The following NID1 variants were observed in gnomAD, a reference collection of about 807,000 sequenced individuals.
NID1 encodes the protein nidogen-1.
Under a neutral mutation model 130.6 loss-of-function variants are expected in NID1, and 76 were observed. That is an observed-to-expected ratio of 0.58 (90% confidence interval 0.48 to 0.70). The LOEUF is 0.70. Ranked by LOEUF, NID1 falls within the 30% of genes least tolerant of loss-of-function variation. The pLI is 0.00. For synonymous variants in NID1, 665 were observed against 675.1 expected (o/e 0.98, Z 0.23); for missense variants, 1,517 against 1,664.8 (o/e 0.91, Z 1.54).
intron 12 of NID1, among the ~76,000 whole-genome samples, chr1:235,998,996 G>A (rs1276790182): frequency 1.3e-5 from 2 of 152,166 alleles, no homozygotes; most frequent in East Asian, 1.9e-4. Flanking sequence ...GTCTAGCCCC[G>A]CCCTTCTGGT....
In NID1 at chr1:236,011,909, C is replaced by T. The variant is rs2102816089; in HGVS notation, c.2527+12G>A. On this transcript the variant is annotated intron_variant, in intron 12 of 19. Transcript: ENST00000264187. ...CAATGGGCTACCGACTCCAGATGTC[C>T]CACCACCTTACCTCCGGGCACGCAA... 6.2e-7 allele frequency: 1 copy of T among 1,613,350 alleles called. No homozygotes were observed. The highest frequency in any genetic ancestry group is 2.2e-5 in the East Asian group (1 of 44,878).
At chr1:235,993,904 C>T (rs1030303944) in intron 12 of NID1, 32 bp from the exon 13 acceptor site, 6 of 1,587,796 alleles carry the variant, frequency 3.8e-6, no homozygotes, top group Non-Finnish European at 5.2e-6. Context: ...AGAAAGCTGT[C>T]AGGTGCGTCA....
chr1:236,049,349 C>T (rs187756770), intron 1 of NID1, among the ~76,000 whole-genome samples: 165 of 152,170 alleles, frequency 1.1e-3, no homozygotes, highest in African/African-American at 3.9e-3. Context: ...CTTGGTAGCT[C>T]GGGCCTGTAG....
intron 1 of NID1, among the ~76,000 whole-genome samples, chr1:236,057,380 T>C (rs1250199459): frequency 6.6e-6 from 1 of 152,200 alleles, no homozygotes; most frequent in Non-Finnish European, 1.5e-5. Context: ...AAACTCTCCA[T>C]GGTGTCTCTC....
intron 12 of NID1, among the ~76,000 whole-genome samples, chr1:236,002,911 G>C (rs1316175979): frequency 1.3e-5 from 2 of 152,104 alleles, no homozygotes; most frequent in Non-Finnish European, 2.9e-5. Context: ...CCATTTGCCT[G>C]ACTGCCCCTC....
chr1:236,065,024 G>T lies in NID1; in HGVS notation c.56C>A (p.Pro19Gln). 6.4e-7 allele frequency: 1 copy of T among 1,560,662 alleles called. No homozygotes were observed. The highest frequency in any genetic ancestry group is 8.7e-7 in the Non-Finnish European group (1 of 1,152,684). The change falls in exon 1 of 20, where the codon CCG (proline) becomes CAG (glutamine). Residue 19 changes from proline to glutamine, a missense_variant. Pro to Gln is a moderately conservative substitution (Grantham distance 76). Around this residue, in one of 3 missense-constraint regions of NID1, gnomAD observed 1,329 missense variants for 1,429.2 expected, o/e 0.93. Transcript: ENST00000264187. This position sits in a 1 kb window ranked among gnomAD's most constrained non-coding sequence, Gnocchi z 4.1. ...GCCCACAGGCCCCGCCAGCAGCAGC[G>T]GCAGCAGCAGCGCCCGCGTCCACGC... ...RAAWTRALLL[P>Q]LLLAGPVGCL...
intron 1 of NID1, among the ~76,000 whole-genome samples, chr1:236,053,171 T>C (rs927279978): frequency 3.3e-5 from 5 of 152,184 alleles, no homozygotes; most frequent in Admixed American, 2.6e-4. Flanking sequence ...AATATCTTGG[T>C]TGTTTTTATT....
chr1:235,986,754 G>A (rs770505432), intron 14 of NID1, among the ~76,000 whole-genome samples: 17 of 152,254 alleles, frequency 1.1e-4, no homozygotes, highest in Admixed American at 2.6e-4. Flanking sequence ...AAGCCAGTGC[G>A]CCCAGACAAG....
In NID1 at chr1:235,993,816, C is replaced by A; in HGVS notation, c.2584G>T (p.Ala862Ser). 6.2e-7 allele frequency: 1 copy of A among 1,614,044 alleles called. No individual in the cohort carries two copies. Among genetic ancestry groups the A allele is most frequent in the Non-Finnish European group, 8.5e-7 (1 of 1,179,946 alleles). ...GGAATGGGTCGCTGTGGGTCTGTCG[C>A]CCCCGCTGCCCCGAGAATGTGTTCT... ...EREHILGAAG[A>S]TDPQRPIPPG... Residue 862 changes from alanine (A) to serine (S), a missense_variant, in exon 13 of 20, where the codon GCG (alanine) becomes TCG (serine). Transcript: ENST00000264187.
chr1:236,050,277 G>A (rs189719998), intron 1 of NID1, among the ~76,000 whole-genome samples: 1 of 152,180 alleles, frequency 6.6e-6, no homozygotes, highest in Non-Finnish European at 1.5e-5. Context: ...TCACTGGCCA[G>A]GTGTGGTGGC....
rs374239661 is a variant in NID1 at position 235,981,680 on chromosome 1, G to C, written c.3158C>G (p.Thr1053Arg). The change falls in exon 16 of 20, where the codon ACG (threonine) becomes AGG (arginine). Residue 1053 changes from threonine (T) to arginine (R), a missense_variant. By Grantham distance (71) the Thr-to-Arg change is moderately conservative. Around this residue, in one of 3 missense-constraint regions of NID1, gnomAD observed 1,329 missense variants for 1,429.2 expected, o/e 0.93. Coordinates refer to ENST00000264187, the MANE Select transcript of NID1 (RefSeq NM_002508.3). ...AGTCTCAAAGAGCACCCGGCGCTGC[G>C]TGCCGTCCAGCTTCGCCACTTCTAT... The part of the protein sequence containing the change: ...DRIEVAKLDG[T>R]QRRVLFETDL... 15 of 1,614,108 alleles carry C rather than the reference G, an allele frequency of 9.3e-6. No individual in the cohort carries two copies. The highest frequency in any genetic ancestry group is 2.7e-5 in the African/African-American group (2 of 74,954).
intron 1 of NID1, among the ~76,000 whole-genome samples, chr1:236,055,418 G>A (rs1003398556): frequency 1.3e-5 from 2 of 152,008 alleles, no homozygotes; most frequent in African/African-American, 4.8e-5. Context: ...TGTTGGAGCT[G>A]GTAATGGATA....
At chr1:235,993,132 C>A (rs1179001552) in intron 13 of NID1, among the ~76,000 whole-genome samples, 1 of 152,148 alleles carries the variant, frequency 6.6e-6, no homozygotes, top group Admixed American at 6.5e-5. Context: ...GAAAATCAAC[C>A]CAAGTAACTA....
intron 11 of NID1, 99 bp from the exon 12 acceptor site, chr1:236,012,142 G>A (rs754895680): frequency 3.5e-4 from 500 of 1,439,374 alleles, no homozygotes; most frequent in Non-Finnish European, 4.4e-4. Context: ...ATGGGAACCT[G>A]CTTCTGATCT....
rs1011443031 is a variant in NID1 at position 236,051,094 on chromosome 1, G to A, written c.226-2105C>T. On this transcript the variant is annotated intron_variant, in intron 1 of 19. Coordinates refer to ENST00000264187, the MANE Select transcript of NID1 (RefSeq NM_002508.3). ...GAGCAAGAGTGTCTCGAAAAAAAAA[G>A]AGAGAAAGAAGAAGATTCCCTAATC... is the stretch of plus-strand genomic sequence containing the variant. 4.5e-4 allele frequency among the ~76,000 whole-genome samples: 69 copies of A among 152,032 alleles called. 1 individual carries two copies. Among genetic ancestry groups the A allele is most frequent in the Middle Eastern group, 3.2e-3 (1 of 316 alleles).
chr1:236,040,810 C>CAG (rs1558444663), intron 4 of NID1, among the ~76,000 whole-genome samples: 4 of 151,126 alleles, frequency 2.6e-5, no homozygotes, highest in Non-Finnish European at 4.4e-5. Context: ...ATTACAGATG[C>CAG]CTGCCACCAC....
At position 236,029,720 on chromosome 1, in the gene NID1, G is replaced by T; in HGVS notation, c.1568C>A (p.Thr523Asn). ...GGEFTRQAEV[T>N]FVGHPGNLVI... ...CAGATTGCCCGGGTGCCCCACGAAG[G>T]TCACCTCAGCCTGGCGAGTGAACTC... The change falls in exon 7 of 20, where the codon ACC (threonine) becomes AAC (asparagine). Residue 523 changes from threonine (T) to asparagine (N), a missense_variant. By Grantham distance (65) the Thr-to-Asn change is moderately conservative. This residue lies in a region of NID1 where 1,329 missense variants were observed against 1,429.2 expected (regional missense o/e 0.93). Coordinates refer to ENST00000264187, the MANE Select transcript of NID1 (RefSeq NM_002508.3). 6 of 1,614,144 alleles carry T rather than the reference G, an allele frequency of 3.7e-6. No individual in the cohort carries two copies. The highest frequency in any genetic ancestry group is 5.1e-6 in the Non-Finnish European group (6 of 1,180,032).
At chr1:236,032,757 A>G (rs1165287889) in intron 5 of NID1, 105 bp from the exon 6 acceptor site, 2 of 1,424,284 alleles carry the variant, frequency 1.4e-6, no homozygotes, top group African/African-American at 2.9e-5. Context: ...AAGCAAAGAA[A>G]CAAAACAGCA....
rs748880759 is a variant in NID1 at position 235,979,861 on chromosome 1, G to A, written c.3470C>T (p.Thr1157Met). The A allele has an allele frequency of 5.6e-6, 9 of 1,614,004 alleles. No individual in the cohort carries two copies. The highest frequency in any genetic ancestry group is 4.0e-5 in the African/African-American group (3 of 74,922). ...LEGLQYPFAV[T>M]SYGKNLYFTD... ...GAAATACAGATTCTTCCCGTAGCTCGTCACAGCAAAAGGATACTGGAGCCC... is the reference window on the plus strand; with the variant it reads ...GAAATACAGATTCTTCCCGTAGCTCATCACAGCAAAAGGATACTGGAGCCC... Residue 1157 changes from threonine (T) to methionine (M), a missense_variant, in exon 18 of 20, where the codon ACG becomes ATG. Physicochemically the swap from Thr to Met is moderately conservative, Grantham distance 81. Coordinates refer to ENST00000264187, the MANE Select transcript of NID1 (RefSeq NM_002508.3). The surrounding 1 kb of genome is among the most constrained non-coding windows in gnomAD (Gnocchi z 4.6).
Sources: gnomAD v4.1 joint callset for allele counts (sites outside exome capture counted in the v4.1 genomes callset) on GRCh38, gnomAD v4.1.1 for gene constraint, gnomAD v4.1.1 regional missense constraint, Gnocchi (gnomAD v3.1) non-coding constraint, MANE v1.5 for transcripts, NCBI Gene and HGNC (gene_info 2026-07-23, HGNC 2026-07-21) for gene names.